The following HK1 variants were observed in gnomAD, a reference collection of about 807,000 sequenced individuals.
The protein encoded by HK1 is hexokinase 1, also known as hexokinase-1.
A neutral mutation model predicts 91.6 loss-of-function variants in HK1; 28 were observed. That is an observed-to-expected ratio of 0.31 (90% CI 0.23 to 0.42). The LOEUF is 0.42. HK1 is among the 10% of genes least tolerant of loss of function. The pLI is 1.00. For synonymous variants in HK1, 430 were observed against 468.1 expected, an observed-to-expected ratio of 0.92 and a Z score of 1.05; for missense variants, 770 against 1,219.8, an observed-to-expected ratio of 0.63 and a Z score of 5.49.
intron 4 of HK1, chr10:69,300,673 A>T: frequency 2.5e-6 from 2 of 805,166 alleles, no homozygotes; most frequent in East Asian, 2.5e-5. Context: ...ATGATTTCAA[A>T]TTCGCCAATA....
intron 4 of HK1, among the ~76,000 whole-genome samples, chr10:69,298,174 G>A (rs1393170354): frequency 1.3e-5 from 2 of 151,482 alleles, no homozygotes; most frequent in Admixed American, 6.6e-5. Flanking sequence ...TCATGCCATT[G>A]CACTCCAGCC....
At position 69,382,639 on chromosome 10, in the gene HK1, C is replaced by T. The variant is rs1354394680; in HGVS notation, c.1418C>T (p.Thr473Ile). Reference sequence around the variant, plus strand: ...GAGCAGCACCGGCAGATAGAGGAGACCCTGGCTCATTTCCACCTCACCAAG... The same window carrying T: ...GAGCAGCACCGGCAGATAGAGGAGATCCTGGCTCATTTCCACCTCACCAAG... ...LAEQHRQIEE[T>I]LAHFHLTKDM... Residue 473 changes from threonine to isoleucine, a missense_variant, in exon 10 of 18, where the codon ACC becomes ATC. Transcript: ENST00000359426. 1.2e-6 allele frequency: 2 copies of T among 1,614,202 alleles called. No homozygotes were observed. Among genetic ancestry groups the T allele is most frequent in the Admixed American group, 3.3e-5 (2 of 60,024 alleles).
At chr10:69,306,319 G>A (rs140386192) in intron 5 of HK1, among the ~76,000 whole-genome samples, 1 of 151,202 alleles carries the variant, frequency 6.6e-6, no homozygotes, top group Non-Finnish European at 1.5e-5. Context: ...GATCGCACCA[G>A]TGCACTGCAG....
intron 4 of HK1, chr10:69,300,713 C>T: frequency 1.0e-6 from 1 of 1,004,874 alleles, no homozygotes; most frequent in East Asian, 2.4e-5. Flanking sequence ...CAGTGAGAAA[C>T]CAGACGATGA....
intron 15 of HK1, among the ~76,000 whole-genome samples, chr10:69,393,371 C>T (rs1260077220): frequency 6.7e-6 from 1 of 150,004 alleles, no homozygotes; most frequent in East Asian, 2.0e-4. Flanking sequence ...GGTGCGAGCT[C>T]AGCTCACTGC....
Position 69,398,953 on chromosome 10 carries a change from G to A in HK1, c.2609+125G>A, listed in dbSNP as rs1160315967. The A allele has an allele frequency of 2.9e-5, 20 of 686,996 alleles. 1 individual carries two copies. The highest frequency in any genetic ancestry group is 1.0e-4 in the South Asian group (6 of 57,440). The allele number at this position is 686,996 out of a possible 1,614,324, so 42.6% of individuals were successfully genotyped here. On this transcript the variant is annotated intron_variant, in intron 17 of 17. Coordinates refer to ENST00000359426, the MANE Select transcript of HK1 (RefSeq NM_000188.3). ...AGCCCAGCCAGGCTGAAGGCTGTGC[G>A]TTCAGGAGCTGGGGATTGTCTAGGA...
At chr10:69,351,179 T>A (rs920138585) in intron 2 of HK1, among the ~76,000 whole-genome samples, 3 of 114,938 alleles carry the variant, frequency 2.6e-5, no homozygotes, top group Non-Finnish European at 5.2e-5. Context: ...CGTCTCAAAA[T>A]TAAATAAATA....
intron 4 of HK1, chr10:69,295,731 A>G (rs1845531710): frequency 8.4e-7 from 1 of 1,185,556 alleles, no homozygotes; most frequent in Non-Finnish European, 1.3e-6. Flanking sequence ...TTTCTGTAAA[A>G]GATAGTGCGT....
intron 14 of HK1, 107 bp downstream of exon 14, chr10:69,389,403 T>C (rs766463883): frequency 2.7e-6 from 2 of 754,008 alleles, no homozygotes; most frequent in Non-Finnish European, 4.7e-6. Flanking sequence ...GGTAGTCTTA[T>C]CTGTCAGTAT....
At chr10:69,273,869 T>C (rs80352582) in intron 1 of HK1, among the ~76,000 whole-genome samples, 4,649 of 152,302 alleles carry the variant, frequency 0.031, 232 homozygotes, top group African/African-American at 0.11. Context: ...TATTTTTCTT[T>C]AACATAATTA....
upstream of HK1, among the ~76,000 whole-genome samples, chr10:69,312,228 C>T (rs548960369): frequency 2.0e-5 from 3 of 152,244 alleles, no homozygotes; most frequent in South Asian, 6.2e-4. Flanking sequence ...CAATGGAGTA[C>T]AGAAGCTTAT....
At chr10:69,281,112 G>A (rs1408650878) in intron 1 of HK1, among the ~76,000 whole-genome samples, 1 of 152,158 alleles carries the variant, frequency 6.6e-6, no homozygotes, top group African/African-American at 2.4e-5. Flanking sequence ...CTTTTAATGA[G>A]TGAATCCACA....
intron 1 of HK1, among the ~76,000 whole-genome samples, chr10:69,331,663 C>T (rs180842274): frequency 1.1e-3 from 164 of 152,268 alleles, no homozygotes; most frequent in African/African-American, 3.8e-3. Flanking sequence ...TCACTTGAGC[C>T]CAGGAGCTTG....
chr10:69,277,308 C>T (rs1844520276), intron 1 of HK1, among the ~76,000 whole-genome samples: 1 of 152,182 alleles, frequency 6.6e-6, no homozygotes, highest in Non-Finnish European at 1.5e-5. Flanking sequence ...TGGCTCATGC[C>T]TATAATCCTG....
intron 7 of HK1, among the ~76,000 whole-genome samples, chr10:69,373,627 G>A (rs139866382): frequency 8.2e-4 from 118 of 143,618 alleles, no homozygotes; most frequent in Middle Eastern, 7.3e-3. Context: ...GTATCACTCT[G>A]TTGCCCAGGC....
intron 9 of HK1, among the ~76,000 whole-genome samples, chr10:69,382,245 G>A (rs1839421741): frequency 6.6e-6 from 1 of 152,126 alleles, no homozygotes; most frequent in South Asian, 2.1e-4. Context: ...AAAAAAGTTA[G>A]CCGGGCGTGG....
At chr10:69,283,054 A>G (rs1322140004) in intron 2 of HK1, among the ~76,000 whole-genome samples, 1 of 139,628 alleles carries the variant, frequency 7.2e-6, no homozygotes, top group Non-Finnish European at 1.5e-5. Flanking sequence ...TGAACCCAGG[A>G]GGCAGTTTGT....
chr10:69,394,469 C>A (rs987064569), intron 15 of HK1, among the ~76,000 whole-genome samples: 6 of 152,220 alleles, frequency 3.9e-5, no homozygotes, highest in Non-Finnish European at 8.8e-5. Context: ...CAGTGCTATG[C>A]TATGCTGTGC....
In HK1 at chr10:69,369,860, T is replaced by C. The variant is rs887068447; in HGVS notation, c.875+236T>C. 2.6e-5 allele frequency among the ~76,000 whole-genome samples: 4 copies of C among 152,096 alleles called. No homozygotes were observed. The highest frequency in any genetic ancestry group is 9.7e-5 in the African/African-American group (4 of 41,408). On this transcript the variant is annotated intron_variant, in intron 7 of 17. Coordinates refer to ENST00000359426, the MANE Select transcript of HK1 (RefSeq NM_000188.3). The surrounding 1 kb of genome is among the most constrained non-coding windows in gnomAD (Gnocchi z 4.4). ...TTCAAGCGATTCTCCTGCCTTAGCC[T>C]CCAAGTAGCTGGGATTACAGGCATG...
Sources: gnomAD v4.1 joint callset for allele counts (sites outside exome capture counted in the v4.1 genomes callset) on GRCh38, gnomAD v4.1.1 for gene constraint, Gnocchi (gnomAD v3.1) non-coding constraint, MANE v1.5 for transcripts, NCBI Gene and HGNC (gene_info 2026-07-23, HGNC 2026-07-21) for gene names.